The following CNTNAP2 variants were observed in gnomAD, a reference collection of about 807,000 sequenced individuals.
The protein encoded by CNTNAP2 is contactin associated protein 2.
Under a neutral mutation model 155.2 loss-of-function variants are expected in CNTNAP2, and 98 were observed. That is an observed-to-expected ratio of 0.63 (90% CI 0.54 to 0.75). The LOEUF (loss-of-function observed/expected upper bound fraction) is 0.75, where lower values mean the gene tolerates loss of function less well. Among genes scored for constraint, CNTNAP2 ranks in the 30% least tolerant of loss-of-function variants. The probability of loss-of-function intolerance (pLI) is 0.00; values close to 1 mark genes in which losing one functional copy is unlikely to be tolerated. For missense variants in CNTNAP2, 1,727 were observed against 1,688.1 expected (o/e 1.02, Z -0.40); for synonymous variants, 651 against 631.2 (o/e 1.03, Z -0.47).
At chr7:146,721,819 T>TA (rs1563204090) in intron 1 of CNTNAP2, among the ~76,000 whole-genome samples, 2 of 124,892 alleles carry the variant, frequency 1.6e-5, no homozygotes, top group African/African-American at 7.2e-5. Flanking sequence ...AGTCTATATA[T>TA]GTAGACTATA....
At chr7:148,342,509 C>T (rs1210273473) in intron 21 of CNTNAP2, among the ~76,000 whole-genome samples, 1 of 152,230 alleles carries the variant, frequency 6.6e-6, no homozygotes, top group African/African-American at 2.4e-5. Context: ...CATTGTCATC[C>T]ACTTTTCATT....
chr7:148,393,066 T>A (rs1350103883), intron 22 of CNTNAP2, among the ~76,000 whole-genome samples: 1 of 152,224 alleles, frequency 6.6e-6, no homozygotes, highest in African/African-American at 2.4e-5. Context: ...CATAAAATAT[T>A]TTTATATCTT....
At chr7:146,673,846 G>T (rs750577914) in intron 1 of CNTNAP2, among the ~76,000 whole-genome samples, 3 of 152,142 alleles carry the variant, frequency 2.0e-5, no homozygotes, top group Non-Finnish European at 4.4e-5. Flanking sequence ...GCCTCCCAAA[G>T]TGCTGGGGTT....
intron 8 of CNTNAP2, among the ~76,000 whole-genome samples, chr7:147,207,154 T>C (rs951520249): frequency 6.6e-6 from 1 of 152,220 alleles, no homozygotes; most frequent in Non-Finnish European, 1.5e-5. Context: ...TCAGGAACTC[T>C]GGAAAACATA....
chr7:147,958,944 C>T (rs902718101), intron 14 of CNTNAP2, among the ~76,000 whole-genome samples: 3 of 152,024 alleles, frequency 2.0e-5, no homozygotes, highest in Non-Finnish European at 4.4e-5. Context: ...TAACAAGGTC[C>T]CAGGTGTGTC....
intron 14 of CNTNAP2, among the ~76,000 whole-genome samples, chr7:147,914,772 G>A (rs1243494159): frequency 4.6e-5 from 7 of 151,962 alleles, no homozygotes; most frequent in Admixed American, 3.3e-4. Context: ...GGCTGGTCTC[G>A]AATTCCTGGG....
intron 8 of CNTNAP2, among the ~76,000 whole-genome samples, chr7:147,143,180 C>A (rs1015088655): frequency 6.6e-6 from 1 of 152,070 alleles, no homozygotes; most frequent in Admixed American, 6.6e-5. Flanking sequence ...AGTTTCCTTG[C>A]TCTTCTCTCT....
chr7:146,262,587 A>G lies in CNTNAP2; in HGVS notation c.97+145614A>G, dbSNP rs115366134. On this transcript the variant is annotated intron_variant, in intron 1 of 23. Coordinates refer to ENST00000361727, the MANE Select transcript of CNTNAP2 (RefSeq NM_014141.6). ...AAGCAACCAACTACCAAGCAAGAAA[A>G]TATTACATCAGCAATTGTTTTTATG... Among the ~76,000 whole-genome samples the G allele has an allele frequency of 8.3e-3, 1,267 of 152,318 alleles. 18 individuals carry two copies. Among genetic ancestry groups the G allele is most frequent in the African/African-American group, 0.029 (1,222 of 41,562 alleles).
intron 1 of CNTNAP2, among the ~76,000 whole-genome samples, chr7:146,587,088 G>A (rs1039791197): frequency 6.6e-6 from 1 of 150,448 alleles, no homozygotes; most frequent in Non-Finnish European, 1.5e-5. Flanking sequence ...ACATTTTAAA[G>A]TCATATGATG....
intron 21 of CNTNAP2, among the ~76,000 whole-genome samples, chr7:148,374,215 G>A (rs113961890): frequency 6.6e-6 from 1 of 151,554 alleles, no homozygotes; most frequent in Non-Finnish European, 1.5e-5. Flanking sequence ...TCTTCTCTTG[G>A]GTAAGATAGC....
At chr7:147,216,142 AT>A (rs1803265337) in intron 8 of CNTNAP2, among the ~76,000 whole-genome samples, 1 of 147,016 alleles carries the variant, frequency 6.8e-6, no homozygotes, top group Non-Finnish European at 1.5e-5. Context: ...TTTTTTTTTC[AT>A]CTTCTTTATA....
intron 1 of CNTNAP2, among the ~76,000 whole-genome samples, chr7:146,717,937 A>G (rs1229892166): frequency 6.6e-6 from 1 of 152,006 alleles, no homozygotes; most frequent in African/African-American, 2.4e-5. Flanking sequence ...CAAAACAGGA[A>G]TGGGATGCCT....
chr7:147,463,217 C>G (rs544662045), intron 10 of CNTNAP2, among the ~76,000 whole-genome samples: 6 of 152,272 alleles, frequency 3.9e-5, no homozygotes, highest in Non-Finnish European at 7.4e-5. Context: ...ATGGCAATAG[C>G]AAGCTGTGAG....
chr7:147,752,984 T>A (rs1292593818), intron 13 of CNTNAP2, among the ~76,000 whole-genome samples: 1 of 152,200 alleles, frequency 6.6e-6, no homozygotes, highest in Non-Finnish European at 1.5e-5. Context: ...CCAATTTCTC[T>A]TTTAGCTACT....
intron 4 of CNTNAP2, among the ~76,000 whole-genome samples, chr7:147,090,068 C>A (rs1159228354): frequency 6.6e-6 from 1 of 152,108 alleles, no homozygotes; most frequent in Non-Finnish European, 1.5e-5. Context: ...GGGAAGTCAG[C>A]ACAAATACAG....
intron 10 of CNTNAP2, among the ~76,000 whole-genome samples, chr7:147,436,038 T>G (rs1584947271): frequency 6.6e-6 from 1 of 152,184 alleles, no homozygotes; most frequent in East Asian, 1.9e-4. Context: ...AATTTATCAT[T>G]TAAACGTAAA....
chr7:146,731,980 A>T (rs1801534165), intron 1 of CNTNAP2, among the ~76,000 whole-genome samples: 2 of 152,146 alleles, frequency 1.3e-5, no homozygotes, highest in Non-Finnish European at 2.9e-5. Context: ...GAATAGAGTG[A>T]TATCTAATGC....
chr7:147,578,418 T>G (rs1025272993), intron 12 of CNTNAP2, among the ~76,000 whole-genome samples: 1 of 152,124 alleles, frequency 6.6e-6, no homozygotes, highest in Non-Finnish European at 1.5e-5. Context: ...AATGAATTTT[T>G]GGTGCCGGTT....
At chr7:147,084,541 TATATAATA>T (rs939719362) in intron 4 of CNTNAP2, among the ~76,000 whole-genome samples, 10 of 145,194 alleles carry the variant, frequency 6.9e-5, no homozygotes, top group South Asian at 6.4e-4. Context: ...CTATATATAA[TATATAATA>T]ATATAATAAT....
Sources: allele counts gnomAD v4.1 joint callset (sites outside exome capture counted in the v4.1 genomes callset), GRCh38; gene constraint gnomAD v4.1.1; transcripts MANE v1.5; gene names NCBI Gene and HGNC (gene_info 2026-07-23, HGNC 2026-07-21).